Variants in NRG4 observed in about 807,000 individuals in gnomAD.
NRG4 encodes the protein pro-neuregulin-4, membrane-bound isoform.
NRG4 carries 10 observed loss-of-function variants against 15.0 expected under a neutral mutation model. That is an observed-to-expected ratio of 0.67 (90% CI 0.41 to 1.13). The LOEUF (loss-of-function observed/expected upper bound fraction) is 1.13. NRG4 is among the 50% of genes most tolerant of loss of function. The probability of loss-of-function intolerance (pLI) is 0.00; values close to 1 mark genes in which losing one functional copy is unlikely to be tolerated. For synonymous variants in NRG4, 41 were observed against 50.1 expected, an observed-to-expected ratio of 0.82 and a Z score of 0.77; for missense variants, 139 against 140.2, an observed-to-expected ratio of 0.99 and a Z score of 0.04.
chr15:75,961,155 G>C (rs1217441205), intron 4 of NRG4, among the ~76,000 whole-genome samples: 3 of 151,988 alleles, frequency 2.0e-5, no homozygotes, highest in Non-Finnish European at 4.4e-5. Context: ...TTAATGATGA[G>C]AGTTATGCCA....
chr15:75,958,810 G>A (rs1422916069), intron 4 of NRG4, among the ~76,000 whole-genome samples: 1 of 152,102 alleles, frequency 6.6e-6, no homozygotes, highest in Non-Finnish European at 1.5e-5. Flanking sequence ...TCTGGCACAA[G>A]TCTGCAGAAC....
rs147883666 is a variant in NRG4 at position 75,978,107 on chromosome 15, G to A, written c.105-16133C>T. ...GCTGGGATTACAGGCATGAGCTACC[G>A]TGCCCAGCCTCTTCTAGCTATTTTG... On this transcript the variant is annotated intron_variant, in intron 3 of 5. Coordinates refer to ENST00000394907, the MANE Select transcript of NRG4 (RefSeq NM_138573.4). 5.8e-3 allele frequency among the ~76,000 whole-genome samples: 876 copies of A among 152,156 alleles called. 4 individuals are homozygous for A. Among genetic ancestry groups the A allele is most frequent in the Non-Finnish European group, 9.0e-3 (610 of 67,998 alleles).
intron 3 of NRG4, among the ~76,000 whole-genome samples, chr15:75,992,556 G>A (rs913319594): frequency 6.6e-6 from 1 of 151,902 alleles, no homozygotes; most frequent in Non-Finnish European, 1.5e-5. Flanking sequence ...AATGTTTTTA[G>A]TATATTCACA....
At chr15:75,939,271 C>G (rs1009554406), downstream of NRG4, 1 of 151,914 alleles carries the variant, frequency 6.6e-6, no homozygotes, top group Non-Finnish European at 1.5e-5. Flanking sequence ...ACTCTAGATT[C>G]TAGAAAAATG....
chr15:76,014,751 G>A (rs1434109840), upstream of NRG4, among the ~76,000 whole-genome samples: 2 of 152,146 alleles, frequency 1.3e-5, no homozygotes, highest in Non-Finnish European at 2.9e-5. Flanking sequence ...CTGTAGTCTT[G>A]TAGTATAGTT....
At position 75,977,422 on chromosome 15, in the gene NRG4, T is replaced by C. The variant is rs2033417301; in HGVS notation, c.105-15448A>G. ...CTGCCAAAATAACCACCCAGTTTTG[T>C]GCTTGAAATCCAGGGCCCTGGTGGT... is the stretch of plus-strand genomic sequence containing the variant. On this transcript the variant is annotated intron_variant, in intron 3 of 5. Transcript: ENST00000394907. The surrounding 1 kb of genome is among the most constrained non-coding windows in gnomAD (Gnocchi z 4.9). Among the ~76,000 whole-genome samples the C allele has an allele frequency of 6.6e-6, 1 of 152,198 alleles. No homozygotes were observed. The highest frequency in any genetic ancestry group is 1.5e-5 in the Non-Finnish European group (1 of 68,018).
chr15:75,950,277 T>C (rs1503955), intron 5 of NRG4, among the ~76,000 whole-genome samples: 142,783 of 152,236 alleles, frequency 0.94, 67,275 homozygotes, highest in East Asian at 1. Context: ...CACTGATATA[T>C]AGGAATACAA....
chr15:76,027,341 C>T (rs972058307), intron 5 of NRG4, among the ~76,000 whole-genome samples: 1 of 152,010 alleles, frequency 6.6e-6, no homozygotes, highest in South Asian at 2.1e-4. Flanking sequence ...ATTATATAAT[C>T]ATCAATGGAT....
chr15:75,956,937 C>G (rs2032271816), intron 4 of NRG4, among the ~76,000 whole-genome samples: 1 of 152,048 alleles, frequency 6.6e-6, no homozygotes, highest in South Asian at 2.1e-4. Flanking sequence ...TTATTTTTAA[C>G]TAATTGGTTA....
chr15:76,051,032 G>T (rs2035997249), intron 4 of NRG4, among the ~76,000 whole-genome samples: 1 of 148,136 alleles, frequency 6.8e-6, no homozygotes, highest in Admixed American at 6.7e-5. Context: ...TTGAGATGGA[G>T]TCTCGCTCTG....
At chr15:75,981,305 C>A (rs921385843) in intron 3 of NRG4, among the ~76,000 whole-genome samples, 7 of 152,124 alleles carry the variant, frequency 4.6e-5, no homozygotes, top group Admixed American at 3.3e-4. Context: ...TGTTTCAGAT[C>A]CTGCCAAATA....
chr15:75,968,242 C>G (rs977611842), intron 3 of NRG4, among the ~76,000 whole-genome samples: 2 of 152,130 alleles, frequency 1.3e-5, no homozygotes, highest in African/African-American at 4.8e-5. Flanking sequence ...ACTCTCCTTA[C>G]TTTGCTGGCC....
intron 4 of NRG4, among the ~76,000 whole-genome samples, chr15:76,045,091 T>C (rs904789677): frequency 6.6e-6 from 1 of 150,922 alleles, no homozygotes; most frequent in Non-Finnish European, 1.5e-5. Flanking sequence ...AACAACTCTA[T>C]AGGAAAAAAA....
intron 4 of NRG4, among the ~76,000 whole-genome samples, chr15:76,040,851 G>C (rs2035718514): frequency 6.6e-6 from 1 of 152,188 alleles, no homozygotes; most frequent in Non-Finnish European, 1.5e-5. Context: ...TTTGAACCCA[G>C]GAGGCAGAGG....
In NRG4 at chr15:75,943,452, T is replaced by C. The variant is rs777337233; in HGVS notation, c.*186A>G. ...TCACCCCCTACTTAGCAGTTGCCGATGGACTGATGCACATTACAGAAGCAC... is the reference window on the plus strand; with the variant it reads ...TCACCCCCTACTTAGCAGTTGCCGACGGACTGATGCACATTACAGAAGCAC... On this transcript the variant is annotated 3_prime_UTR_variant, in exon 6 of 6. Coordinates refer to ENST00000394907, the MANE Select transcript of NRG4 (RefSeq NM_138573.4). 118 of 572,224 alleles carry C rather than the reference T, an allele frequency of 2.1e-4. No homozygotes were observed. Among genetic ancestry groups the C allele is most frequent in the Non-Finnish European group, 3.4e-4 (111 of 323,888 alleles). The allele number at this position is 572,224 out of a possible 1,614,324, so 35.4% of individuals were successfully genotyped here. A position where few individuals can be genotyped will look rare whatever the true frequency, so the allele number is the denominator to read the frequency against.
At chr15:75,976,974 T>C (rs1256043016) in intron 3 of NRG4, among the ~76,000 whole-genome samples, 1 of 152,164 alleles carries the variant, frequency 6.6e-6, no homozygotes, top group Non-Finnish European at 1.5e-5. Context: ...GATAGGAGTT[T>C]TATCTGTAAG....
intron 3 of NRG4, among the ~76,000 whole-genome samples, chr15:75,983,841 AC>A (rs1183450011): frequency 6.6e-6 from 1 of 152,172 alleles, no homozygotes; most frequent in Non-Finnish European, 1.5e-5. Flanking sequence ...AATAGATTCA[AC>A]TTTATAAACA....
chr15:75,995,514 C>G (rs188471835), intron 3 of NRG4, among the ~76,000 whole-genome samples: 2 of 152,004 alleles, frequency 1.3e-5, no homozygotes, highest in South Asian at 2.1e-4. Flanking sequence ...CCCACTAGGC[C>G]CCCCCGCCCC....
At chr15:75,967,416 T>C (rs1355305605) in intron 3 of NRG4, among the ~76,000 whole-genome samples, 1 of 151,934 alleles carries the variant, frequency 6.6e-6, no homozygotes, top group East Asian at 1.9e-4. Flanking sequence ...ACATCAAATG[T>C]ATTAGTAAAT....
Sources: allele counts gnomAD v4.1 joint callset (sites outside exome capture counted in the v4.1 genomes callset), GRCh38; gene constraint gnomAD v4.1.1; non-coding constraint Gnocchi (gnomAD v3.1); transcripts MANE v1.5; gene names NCBI Gene and HGNC (gene_info 2026-07-23, HGNC 2026-07-21).